SPIDR: variants seen among roughly 807,000 people sequenced by gnomAD.
SPIDR encodes scaffold protein involved in DNA repair.
In SPIDR, 93 loss-of-function variants were observed where a neutral mutation model predicts 104.6. That is an observed-to-expected ratio of 0.89 (90% confidence interval 0.75 to 1.06). The LOEUF (loss-of-function observed/expected upper bound fraction) is 1.06, where lower values mean the gene tolerates loss of function less well. SPIDR is among the 50% of genes least tolerant of loss of function. The pLI, the probability that SPIDR is intolerant of heterozygous loss-of-function variation, is 0.00. For synonymous variants in SPIDR, 431 were observed against 416.9 expected (o/e 1.03, Z -0.41); for missense variants, 1,154 against 1,111.2 (o/e 1.04, Z -0.55).
chr8:47,283,837 T>G (rs1457643012), intron 2 of SPIDR, among the ~76,000 whole-genome samples, 191 bp from the exon 3 acceptor site: 2 of 152,182 alleles, frequency 1.3e-5, no homozygotes, highest in Non-Finnish European at 2.9e-5. Context: ...CTCTTTAGAT[T>G]CAGGAAAAAT....
At chr8:47,503,386 T>G (rs1366068050) in intron 8 of SPIDR, among the ~76,000 whole-genome samples, 5 of 152,182 alleles carry the variant, frequency 3.3e-5, no homozygotes, top group Non-Finnish European at 7.4e-5. Flanking sequence ...TTTACCATTA[T>G]GTAATGGCCT....
At chr8:47,435,155 A>G (rs1472389282) in intron 7 of SPIDR, among the ~76,000 whole-genome samples, 3 of 151,412 alleles carry the variant, frequency 2.0e-5, no homozygotes, top group Non-Finnish European at 2.9e-5. Context: ...ACTGTGCCTG[A>G]CTCATTTTTA....
At chr8:47,334,029 C>A (rs1215744374) in intron 5 of SPIDR, among the ~76,000 whole-genome samples, 1 of 152,132 alleles carries the variant, frequency 6.6e-6, no homozygotes, top group Non-Finnish European at 1.5e-5. Flanking sequence ...CATCAGATTT[C>A]TTCTTTGACC....
chr8:47,481,608 A>G (rs1554727103), intron 8 of SPIDR, among the ~76,000 whole-genome samples: 1 of 152,204 alleles, frequency 6.6e-6, no homozygotes, highest in Non-Finnish European at 1.5e-5. Flanking sequence ...TTACCACTGT[A>G]TTTCTGGCCA....
At position 47,264,154 on chromosome 8, in the gene SPIDR, C is replaced by T. The variant is rs144758702; in HGVS notation, c.33+3163C>T. Among the ~76,000 whole-genome samples, 35 of 152,236 alleles carry T rather than the reference C, an allele frequency of 2.3e-4. No homozygotes were observed. The East Asian group carries it at 4.8e-3, about 21-fold the overall frequency. On this transcript the variant is annotated intron_variant, in intron 1 of 19. Coordinates refer to ENST00000297423, the MANE Select transcript of SPIDR (RefSeq NM_001080394.4). The stretch of plus-strand genomic sequence containing the variant: ...TTGGACAAGCCACACAGATATATCA[C>T]GACTCTTAAGATGAAAGGTGGTGTG...
At chr8:47,475,875 C>T (rs2076229977) in intron 8 of SPIDR, among the ~76,000 whole-genome samples, 3 of 152,054 alleles carry the variant, frequency 2.0e-5, no homozygotes, top group Non-Finnish European at 4.4e-5. Flanking sequence ...AGGTTTGATA[C>T]AATATTATAA....
At chr8:47,662,831 CCCAAGAGAGTCATTG>C (rs1280499843) in intron 10 of SPIDR, among the ~76,000 whole-genome samples, 2 of 152,166 alleles carry the variant, frequency 1.3e-5, no homozygotes, top group Non-Finnish European at 2.9e-5. Flanking sequence ...ATAAAAGAGG[CCCAAGAGAGTCATTG>C]ACCCTTCCGC....
intron 8 of SPIDR, among the ~76,000 whole-genome samples, chr8:47,460,000 T>C (rs1554712444): frequency 3.3e-5 from 5 of 151,440 alleles, no homozygotes. Context: ...TCTGAAAGAG[T>C]ACTTGATATA....
At chr8:47,412,924 C>T (rs1284375094) in intron 7 of SPIDR, among the ~76,000 whole-genome samples, 3 of 152,188 alleles carry the variant, frequency 2.0e-5, no homozygotes, top group African/African-American at 7.2e-5. Flanking sequence ...TCTGCTTGAA[C>T]CAGAAAAATA....
chr8:47,335,393 T>C (rs1554608105), intron 5 of SPIDR, among the ~76,000 whole-genome samples: 1 of 152,168 alleles, frequency 6.6e-6, no homozygotes, highest in Non-Finnish European at 1.5e-5. Flanking sequence ...GAATTCTAGA[T>C]TGGTAATTTT....
At chr8:47,390,604 AC>A (rs1404996414) in intron 5 of SPIDR, among the ~76,000 whole-genome samples, 2 of 151,708 alleles carry the variant, frequency 1.3e-5, no homozygotes, top group Non-Finnish European at 2.9e-5. Context: ...AAAAAAAAAA[AC>A]TAAAGAAAAA....
rs577776150 is a variant in SPIDR at position 47,678,002 on chromosome 8, G to A, written c.1685+4061G>A. On this transcript the variant is annotated intron_variant, in intron 11 of 19. Coordinates refer to ENST00000297423, the MANE Select transcript of SPIDR (RefSeq NM_001080394.4). ...GCAGATCGCTTGAGCTCAGGAGTTCGAGACCAGCCAGGGCAACATAGTGAG... is the reference window on the plus strand; with the variant it reads ...GCAGATCGCTTGAGCTCAGGAGTTCAAGACCAGCCAGGGCAACATAGTGAG... 1.7e-4 allele frequency among the ~76,000 whole-genome samples: 26 copies of A among 149,634 alleles called. No homozygotes were observed. In the East Asian group the frequency reaches 3.7e-3, roughly 21 times the overall value.
intron 8 of SPIDR, among the ~76,000 whole-genome samples, chr8:47,544,584 C>T (rs1399128689): frequency 6.6e-6 from 1 of 152,144 alleles, no homozygotes; most frequent in South Asian, 2.1e-4. Context: ...TGTCCAATTT[C>T]TCCACCATTT....
chr8:47,564,437 T>C (rs2057514405), intron 8 of SPIDR, among the ~76,000 whole-genome samples: 1 of 152,120 alleles, frequency 6.6e-6, no homozygotes, highest in African/African-American at 2.4e-5. Flanking sequence ...CCCAACACTT[T>C]GGGAGGCCAA....
intron 2 of SPIDR, 57 bp downstream of exon 2, chr8:47,280,074 C>T (rs2037405021): frequency 4.5e-6 from 7 of 1,541,960 alleles, no homozygotes; most frequent in Non-Finnish European, 4.4e-6. Flanking sequence ...CCTGAGTGTT[C>T]AGAACATTGT....
chr8:47,613,586 A>G (rs889607745), intron 10 of SPIDR, among the ~76,000 whole-genome samples: 1 of 152,228 alleles, frequency 6.6e-6, no homozygotes, highest in African/African-American at 2.4e-5. Flanking sequence ...TGTTTTCCAC[A>G]GTGGCTACAT....
chr8:47,578,170 T>C (rs2059336476), intron 8 of SPIDR, among the ~76,000 whole-genome samples: 1 of 152,204 alleles, frequency 6.6e-6, no homozygotes, highest in African/African-American at 2.4e-5. Flanking sequence ...TTGCTACTCA[T>C]GATTTTCAAA....
intron 8 of SPIDR, among the ~76,000 whole-genome samples, chr8:47,466,388 A>G (rs566668470): frequency 2.2e-4 from 34 of 152,340 alleles, no homozygotes; most frequent in African/African-American, 7.9e-4. Flanking sequence ...CCGTACAATT[A>G]CATGGAAATT....
chr8:47,482,477 T>C (rs1286666170), intron 8 of SPIDR, among the ~76,000 whole-genome samples: 1 of 152,118 alleles, frequency 6.6e-6, no homozygotes, highest in Non-Finnish European at 1.5e-5. Flanking sequence ...TGAGACCATC[T>C]CTAGCTGATG....
Sources: allele counts gnomAD v4.1 joint callset (sites outside exome capture counted in the v4.1 genomes callset), GRCh38; gene constraint gnomAD v4.1.1; transcripts MANE v1.5; gene names NCBI Gene and HGNC (gene_info 2026-07-23, HGNC 2026-07-21).